GALNTL6: variants seen among roughly 807,000 people sequenced by gnomAD.
GALNTL6 encodes the protein polypeptide N-acetylgalactosaminyltransferase like 6.
Under a neutral mutation model 73.7 loss-of-function variants are expected in GALNTL6, and 46 were observed. That is an observed-to-expected ratio of 0.62 (90% CI 0.49 to 0.80). The LOEUF (loss-of-function observed/expected upper bound fraction) is 0.80. Among genes scored for constraint, GALNTL6 ranks in the 30% least tolerant of loss-of-function variants. GALNTL6 has a pLI of 0.00. For synonymous variants in GALNTL6, 259 were observed against 263.7 expected (o/e 0.98, Z 0.17); for missense variants, 604 against 755.0 (o/e 0.80, Z 2.34).
chr4:172,474,237 C>T (rs374108244), intron 5 of GALNTL6, among the ~76,000 whole-genome samples: 2 of 152,270 alleles, frequency 1.3e-5, no homozygotes, highest in East Asian at 3.9e-4. Context: ...CTCACCGACT[C>T]TGTGAGTCTT....
chr4:172,227,883 T>G (rs565028277), intron 2 of GALNTL6, among the ~76,000 whole-genome samples: 2 of 152,230 alleles, frequency 1.3e-5, no homozygotes, highest in Middle Eastern at 3.4e-3. Context: ...AACGCTGGAG[T>G]TTACACAAGA....
intron 2 of GALNTL6, among the ~76,000 whole-genome samples, chr4:172,053,306 G>A (rs1730931815): frequency 6.6e-6 from 1 of 151,824 alleles, no homozygotes; most frequent in Non-Finnish European, 1.5e-5. Flanking sequence ...ATAATACAGG[G>A]GATCAACAGA....
intron 3 of GALNTL6, among the ~76,000 whole-genome samples, chr4:172,289,849 CTTG>C (rs1739402167): frequency 6.6e-6 from 1 of 152,142 alleles, no homozygotes; most frequent in Admixed American, 6.5e-5. Flanking sequence ...TTCACAGGTG[CTTG>C]TTGTACTTTT....
At chr4:171,991,730 GTATATATA>G (rs1248077137) in intron 2 of GALNTL6, among the ~76,000 whole-genome samples, 3,160 of 98,128 alleles carry the variant, frequency 0.032, 112 homozygotes, top group African/African-American at 0.17. Flanking sequence ...GTGTGTGTGT[GTATATATA>G]TATATATATA....
intron 2 of GALNTL6, among the ~76,000 whole-genome samples, chr4:172,172,171 T>TTGTTTTTTGTTTGCTTTTTTG (rs1734850431): frequency 6.6e-6 from 1 of 152,028 alleles, no homozygotes; most frequent in Non-Finnish European, 1.5e-5. Context: ...ATAACTAGCA[T>TTGTTTTTTGTTTGCTTTTTTG]TGTTTTTTGT....
intron 2 of GALNTL6, among the ~76,000 whole-genome samples, chr4:171,906,629 T>C (rs1383228087): frequency 6.6e-6 from 1 of 152,082 alleles, no homozygotes; most frequent in Non-Finnish European, 1.5e-5. Flanking sequence ...AGGGAATCCT[T>C]CCTAACTCAT....
chr4:172,658,318 T>A (rs1029311109), intron 5 of GALNTL6, among the ~76,000 whole-genome samples: 6 of 148,426 alleles, frequency 4.0e-5, no homozygotes, highest in Non-Finnish European at 7.4e-5. Context: ...TACCAAAAAA[T>A]TAGCCGGGCG....
At chr4:172,218,207 C>G (rs1736556035) in intron 2 of GALNTL6, among the ~76,000 whole-genome samples, 1 of 152,106 alleles carries the variant, frequency 6.6e-6, no homozygotes, top group Non-Finnish European at 1.5e-5. Context: ...GACAGATAAG[C>G]TAGAGTAGAC....
At chr4:172,486,431 TG>T (rs547775708) in intron 5 of GALNTL6, among the ~76,000 whole-genome samples, 8 of 152,146 alleles carry the variant, frequency 5.3e-5, no homozygotes, top group Non-Finnish European at 1.0e-4. Flanking sequence ...AAATATGAAA[TG>T]GAAAAACTAT....
At chr4:172,252,034 A>G (rs1737899871) in intron 3 of GALNTL6, among the ~76,000 whole-genome samples, 1 of 152,188 alleles carries the variant, frequency 6.6e-6, no homozygotes, top group Admixed American at 6.6e-5. Context: ...AATATGTCAA[A>G]TCAATGCAGA....
chr4:172,590,507 C>T (rs1166645682), intron 5 of GALNTL6, among the ~76,000 whole-genome samples: 2 of 152,184 alleles, frequency 1.3e-5, no homozygotes, highest in African/African-American at 4.8e-5. Context: ...AGCCTTCCAG[C>T]AGTTCCTTTT....
chr4:172,487,259 C>CT (rs1457278209), intron 5 of GALNTL6, among the ~76,000 whole-genome samples: 1 of 141,136 alleles, frequency 7.1e-6, no homozygotes, highest in Non-Finnish European at 1.6e-5. Flanking sequence ...TTCTTCCTTC[C>CT]TTCCTTCCTT....
At position 172,882,915 on chromosome 4, in the gene GALNTL6, C is replaced by T; in HGVS notation, c.1041+8C>T. 1 of 1,373,596 alleles carries T rather than the reference C, an allele frequency of 7.3e-7. No homozygotes were observed. Among genetic ancestry groups the T allele is most frequent in the Non-Finnish European group, 1.0e-6 (1 of 963,102 alleles). The allele number at this position is 1,373,596 out of a possible 1,614,324, so 85.1% of individuals were successfully genotyped here. ...TATGAAATCTCTTTTAAGGTAAGCC[C>T]CAAGACCCTCTTCACACTATATCTG... is the stretch of plus-strand genomic sequence containing the variant. On this transcript the variant is annotated splice_region_variant and intron_variant, in intron 8 of 12. Coordinates refer to ENST00000506823, the MANE Select transcript of GALNTL6 (RefSeq NM_001034845.3).
At chr4:172,340,309 T>C (rs901068602) in intron 4 of GALNTL6, among the ~76,000 whole-genome samples, 76 of 152,326 alleles carry the variant, frequency 5.0e-4, no homozygotes, top group African/African-American at 1.7e-3. Flanking sequence ...AATTTTCATA[T>C]ATTGAACCAC....
chr4:171,956,613 T>C (rs1172937510), intron 2 of GALNTL6, among the ~76,000 whole-genome samples: 1 of 152,244 alleles, frequency 6.6e-6, no homozygotes, highest in Admixed American at 6.5e-5. Flanking sequence ...TTTATGTTAA[T>C]ATTCACCTTT....
At chr4:172,518,279 G>A (rs548493605) in intron 5 of GALNTL6, among the ~76,000 whole-genome samples, 2 of 151,702 alleles carry the variant, frequency 1.3e-5, no homozygotes, top group Admixed American at 6.6e-5. Flanking sequence ...CTAAAAATTA[G>A]CAAGCCAAAA....
At chr4:171,899,520 C>T (rs1026905303) in intron 2 of GALNTL6, among the ~76,000 whole-genome samples, 3 of 152,058 alleles carry the variant, frequency 2.0e-5, no homozygotes, top group South Asian at 2.1e-4. Context: ...TCTAGTATTA[C>T]AGATATTAAA....
At chr4:172,882,480 T>C (rs1745507049) in intron 7 of GALNTL6, among the ~76,000 whole-genome samples, 1 of 152,230 alleles carries the variant, frequency 6.6e-6, no homozygotes, top group Non-Finnish European at 1.5e-5. Context: ...TGGGTCATTA[T>C]TACTCATGTA....
chr4:171,847,856 T>C (rs1451076412), intron 2 of GALNTL6, among the ~76,000 whole-genome samples: 2 of 152,164 alleles, frequency 1.3e-5, no homozygotes, highest in Non-Finnish European at 2.9e-5. Flanking sequence ...AGTCTTGAAC[T>C]CCTCAAAGTC....
Sources: gnomAD v4.1 joint callset for allele counts (sites outside exome capture counted in the v4.1 genomes callset) on GRCh38, gnomAD v4.1.1 for gene constraint, MANE v1.5 for transcripts, NCBI Gene and HGNC (gene_info 2026-07-23, HGNC 2026-07-21) for gene names.